Variants in ADGRB3 observed in about 807,000 individuals in gnomAD.
ADGRB3 encodes the protein adhesion G protein-coupled receptor B3, also known as brain-specific angiogenesis inhibitor 3.
In ADGRB3, 37 loss-of-function variants were observed where a neutral mutation model predicts 193.4. That is an observed-to-expected ratio of 0.19 (90% confidence interval 0.15 to 0.25). The LOEUF (loss-of-function observed/expected upper bound fraction) is 0.25. ADGRB3 is among the 10% of genes least tolerant of loss of function. The pLI is 1.00. For missense variants in ADGRB3, 1,637 were observed against 1,852.9 expected (o/e 0.88, Z 2.14); for synonymous variants, 690 against 644.2 (o/e 1.07, Z -1.08).
intron 17 of ADGRB3, among the ~76,000 whole-genome samples, chr6:69,166,196 G>C (rs1775129218): frequency 6.6e-6 from 1 of 152,086 alleles, no homozygotes; most frequent in South Asian, 2.1e-4. Context: ...CAATACAGAA[G>C]AGGGAAGACT....
chr6:68,789,425 G>T (rs1484937616), intron 3 of ADGRB3, among the ~76,000 whole-genome samples: 4 of 152,018 alleles, frequency 2.6e-5, no homozygotes, highest in African/African-American at 9.7e-5. Context: ...GCTTAGTTTG[G>T]CTAGATATGA....
At position 69,002,825 on chromosome 6, in the gene ADGRB3, T is replaced by A. The variant is rs1039794696; in HGVS notation, c.1929+8863T>A. Among the ~76,000 whole-genome samples the A allele has an allele frequency of 4.6e-5, 7 of 152,328 alleles. No individual in the cohort carries two copies. In the South Asian group the frequency reaches 8.3e-4, roughly 18 times the overall value. ...CTGGGTTGGAATTACAGTACAACTCTAGCCTTCAAGACACAACCTGATACC... is the reference window on the plus strand; with the variant it reads ...CTGGGTTGGAATTACAGTACAACTCAAGCCTTCAAGACACAACCTGATACC... On this transcript the variant is annotated intron_variant, in intron 11 of 31. Transcript: ENST00000370598.
At chr6:69,274,117 C>A (rs1041528242) in intron 20 of ADGRB3, among the ~76,000 whole-genome samples, 1 of 151,940 alleles carries the variant, frequency 6.6e-6, no homozygotes, top group Non-Finnish European at 1.5e-5. Context: ...GCAAAACAAG[C>A]TAAAGAAGAT....
intron 3 of ADGRB3, among the ~76,000 whole-genome samples, chr6:68,918,370 T>A (rs1766939909): frequency 6.6e-6 from 1 of 152,188 alleles, no homozygotes; most frequent in Non-Finnish European, 1.5e-5. Context: ...AGCAAACTAT[T>A]CTGGACTCCT....
chr6:68,821,844 G>A (rs1445674395), intron 3 of ADGRB3, among the ~76,000 whole-genome samples: 1 of 151,726 alleles, frequency 6.6e-6, no homozygotes, highest in African/African-American at 2.4e-5. Flanking sequence ...CTGGAAATTT[G>A]CAAAACCAAA....
chr6:69,107,023 A>G (rs1773234221), intron 17 of ADGRB3, among the ~76,000 whole-genome samples: 1 of 152,200 alleles, frequency 6.6e-6, no homozygotes. Flanking sequence ...AACTTGCATT[A>G]CTAGATTGAG....
intron 20 of ADGRB3, among the ~76,000 whole-genome samples, chr6:69,267,478 T>A (rs1590251): frequency 2.4e-4 from 37 of 152,144 alleles, no homozygotes; most frequent in Non-Finnish European, 4.6e-4. Context: ...CATTAGTCTG[T>A]TAAAATCTGT....
chr6:69,080,524 C>T (rs1336628230), intron 17 of ADGRB3, among the ~76,000 whole-genome samples: 1 of 151,662 alleles, frequency 6.6e-6, no homozygotes, highest in Non-Finnish European at 1.5e-5. Context: ...TTCATTTAAG[C>T]AATTAAGAAA....
Position 68,975,135 on chromosome 6 carries a change from A to G in ADGRB3, c.1628-99A>G, listed in dbSNP as rs936260214. The G allele has an allele frequency of 4.1e-6, 4 of 982,580 alleles. No individual in the cohort carries two copies. The African/African-American group carries it at 6.6e-5, about 16-fold the overall frequency. 60.9% of individuals were successfully genotyped at this position (982,580 alleles called of 1,614,324 possible). A position where few individuals can be genotyped will look rare whatever the true frequency, so the allele number is the denominator to read the frequency against. ...TTTCATGTGCATGTTTTTTAAAGAA[A>G]AAAAGTACAAACTTAATTTTTAGCC... On this transcript the variant is annotated intron_variant, in intron 9 of 31. Transcript: ENST00000370598.
chr6:69,320,652 T>A lies in ADGRB3; in HGVS notation c.2815-4220T>A, dbSNP rs138191646. 1.3e-4 allele frequency among the ~76,000 whole-genome samples: 20 copies of A among 151,854 alleles called. No individual in the cohort carries two copies. The East Asian group carries it at 3.9e-3, about 29-fold the overall frequency. ...TTACTTTCTCTTAGAATGTTGAGAATCTCTTTCTACTGCCTTCTTGTACCC... is the reference window on the plus strand; with the variant it reads ...TTACTTTCTCTTAGAATGTTGAGAAACTCTTTCTACTGCCTTCTTGTACCC... On this transcript the variant is annotated intron_variant, in intron 20 of 31. Coordinates refer to ENST00000370598, the MANE Select transcript of ADGRB3 (RefSeq NM_001704.3).
intron 11 of ADGRB3, among the ~76,000 whole-genome samples, chr6:68,995,668 G>A (rs970236719): frequency 1.3e-5 from 2 of 152,112 alleles, no homozygotes; most frequent in Admixed American, 6.6e-5. Flanking sequence ...TCCTAAGCAC[G>A]TTGGTGTCCT....
chr6:69,116,212 C>G (rs1487531272), intron 17 of ADGRB3, among the ~76,000 whole-genome samples: 1 of 152,158 alleles, frequency 6.6e-6, no homozygotes, highest in African/African-American at 2.4e-5. Flanking sequence ...GGGCAAATTG[C>G]CTTACTTAAA....
intron 11 of ADGRB3, among the ~76,000 whole-genome samples, chr6:68,997,628 G>A (rs1323659316): frequency 6.7e-6 from 1 of 150,130 alleles, no homozygotes; most frequent in Non-Finnish European, 1.5e-5. Context: ...ACTCCGGCCT[G>A]GGTGACAGAG....
At chr6:68,999,988 C>CT (rs202015588) in intron 11 of ADGRB3, among the ~76,000 whole-genome samples, 8,655 of 151,930 alleles carry the variant, frequency 0.057, 261 homozygotes, top group African/African-American at 0.079. Flanking sequence ...TGTTCATTTA[C>CT]TTTTTTTTCA....
At chr6:68,995,504 A>G (rs1396152917) in intron 11 of ADGRB3, among the ~76,000 whole-genome samples, 2 of 152,216 alleles carry the variant, frequency 1.3e-5, no homozygotes, top group Admixed American at 6.5e-5. Context: ...CATAAATTCA[A>G]TGAAAAATTC....
At chr6:69,013,893 T>C in intron 11 of ADGRB3, 145 bp from the exon 12 acceptor site, 1 of 453,766 alleles carries the variant, frequency 2.2e-6, no homozygotes, top group Non-Finnish European at 4.0e-6. Flanking sequence ...GGATCCTCAG[T>C]GATCTTCTAG....
chr6:68,941,532 CT>C (rs1044593111), intron 5 of ADGRB3, among the ~76,000 whole-genome samples: 1 of 151,530 alleles, frequency 6.6e-6, no homozygotes, highest in Non-Finnish European at 1.5e-5. Context: ...TAGCATCTTC[CT>C]TTTTTTCTGG....
intron 3 of ADGRB3, among the ~76,000 whole-genome samples, chr6:68,734,089 A>AT (rs1020631718): frequency 2.1e-5 from 3 of 145,270 alleles, no homozygotes; most frequent in East Asian, 2.0e-4. Flanking sequence ...CAACTATGGT[A>AT]TTTTTTTTCA....
intron 8 of ADGRB3, among the ~76,000 whole-genome samples, chr6:68,971,842 G>A (rs1768580652): frequency 1.3e-5 from 2 of 152,198 alleles, no homozygotes; most frequent in African/African-American, 4.8e-5. Flanking sequence ...TGGGCACCAC[G>A]AGTTTCATAG....
Sources: gnomAD v4.1 joint callset for allele counts (sites outside exome capture counted in the v4.1 genomes callset) on GRCh38, gnomAD v4.1.1 for gene constraint, MANE v1.5 for transcripts, NCBI Gene and HGNC (gene_info 2026-07-23, HGNC 2026-07-21) for gene names.